The following PCDH15 variants were observed in gnomAD, a reference collection of about 807,000 sequenced individuals.
PCDH15 encodes protocadherin-15.
In PCDH15, 129 loss-of-function variants were observed where a neutral mutation model predicts 178.5. That is an observed-to-expected ratio of 0.72 (90% CI 0.63 to 0.84). PCDH15 has a LOEUF of 0.84. Among genes scored for constraint, PCDH15 ranks in the 40% least tolerant of loss-of-function variants. The pLI, the probability that PCDH15 is intolerant of heterozygous loss-of-function variation, is 0.00. For missense variants in PCDH15, 2,230 were observed against 2,099.9 expected, an observed-to-expected ratio of 1.06 and a Z score of -1.21; for synonymous variants, 800 against 732.0, an observed-to-expected ratio of 1.09 and a Z score of -1.50.
chr10:54,587,569 G>C (rs1015215310), intron 2 of PCDH15, among the ~76,000 whole-genome samples: 2 of 151,520 alleles, frequency 1.3e-5, no homozygotes, highest in African/African-American at 4.8e-5. Flanking sequence ...GGAACTTACA[G>C]AGATACTTAA....
intron 2 of PCDH15, among the ~76,000 whole-genome samples, chr10:54,584,615 A>C (rs547947625): frequency 1.8e-4 from 28 of 152,100 alleles, no homozygotes; most frequent in African/African-American, 6.7e-4. Flanking sequence ...TGCTTCAATA[A>C]TTTGTTTTTC....
At chr10:54,848,015 G>A (rs192393294) in intron 3 of PCDH15, among the ~76,000 whole-genome samples, 1 of 152,290 alleles carries the variant, frequency 6.6e-6, no homozygotes, top group African/African-American at 2.4e-5. Flanking sequence ...GCAGTGTTAA[G>A]TGAAGTATTT....
chr10:55,562,816 G>T (rs890332180), intron 2 of PCDH15, among the ~76,000 whole-genome samples: 1 of 151,862 alleles, frequency 6.6e-6, no homozygotes. Context: ...GAAAGAGTCT[G>T]GTTTACAGAA....
chr10:55,626,695 C>T (rs551401292), intron 2 of PCDH15, among the ~76,000 whole-genome samples: 2 of 152,226 alleles, frequency 1.3e-5, no homozygotes, highest in East Asian at 3.9e-4. Context: ...CATGTAATTC[C>T]TGTTATTAGC....
intron 2 of PCDH15, among the ~76,000 whole-genome samples, chr10:55,112,337 G>T (rs890281073): frequency 2.6e-5 from 4 of 152,204 alleles, no homozygotes; most frequent in African/African-American, 9.6e-5. Flanking sequence ...GTGAAGATTC[G>T]ATGAGAAGAT....
chr10:54,086,535 A>T (rs948111056), intron 16 of PCDH15, among the ~76,000 whole-genome samples: 1 of 152,186 alleles, frequency 6.6e-6, no homozygotes, highest in African/African-American at 2.4e-5. Flanking sequence ...GAATCTCAGA[A>T]GTTTCAAAGA....
At chr10:55,588,118 G>C (rs910688583) in intron 2 of PCDH15, among the ~76,000 whole-genome samples, 1 of 152,092 alleles carries the variant, frequency 6.6e-6, no homozygotes, top group Non-Finnish European at 1.5e-5. Context: ...TGATGTAGGA[G>C]GTGTTACATT....
At chr10:54,304,866 C>CTT (rs58915122) in intron 8 of PCDH15, among the ~76,000 whole-genome samples, 24 of 150,664 alleles carry the variant, frequency 1.6e-4, no homozygotes, top group African/African-American at 2.9e-4. Context: ...GTTTATTTCC[C>CTT]TTTTTTTTTG....
chr10:54,815,534 C>T (rs1024326243), intron 3 of PCDH15, among the ~76,000 whole-genome samples: 4 of 152,238 alleles, frequency 2.6e-5, no homozygotes, highest in Middle Eastern at 3.4e-3. Context: ...TGGATCATCT[C>T]TGCATCAGCA....
intron 2 of PCDH15, among the ~76,000 whole-genome samples, chr10:55,341,599 C>A (rs1844558586): frequency 7.0e-6 from 1 of 143,042 alleles, no homozygotes; most frequent in Non-Finnish European, 1.5e-5. Flanking sequence ...GAGACAGAGT[C>A]TCTCCCTGTC....
intron 21 of PCDH15, among the ~76,000 whole-genome samples, chr10:53,968,481 T>C (rs917677561): frequency 9.2e-5 from 14 of 152,114 alleles, no homozygotes; most frequent in African/African-American, 3.4e-4. Flanking sequence ...AATATCCCTG[T>C]CTGACAGCTT....
chr10:55,078,554 C>T (rs1428643219), intron 2 of PCDH15, among the ~76,000 whole-genome samples: 1 of 151,876 alleles, frequency 6.6e-6, no homozygotes, highest in African/African-American at 2.4e-5. Context: ...TTTCAGAATA[C>T]CTGTCTTCAA....
chr10:54,926,574 C>A (rs547654759), intron 2 of PCDH15, among the ~76,000 whole-genome samples: 58 of 151,898 alleles, frequency 3.8e-4, no homozygotes, highest in African/African-American at 1.4e-3. Context: ...TTGAATCTGG[C>A]TGGTGCTGGG....
intron 23 of PCDH15, among the ~76,000 whole-genome samples, chr10:53,944,234 A>G (rs1377155854): frequency 2.0e-5 from 3 of 152,186 alleles, no homozygotes; most frequent in African/African-American, 7.2e-5. Context: ...TGAACGATCA[A>G]TGGGAATTTA....
intron 1 of PCDH15, among the ~76,000 whole-genome samples, chr10:55,294,876 A>G (rs2132271952): frequency 6.6e-6 from 1 of 152,316 alleles, no homozygotes; most frequent in Non-Finnish European, 1.5e-5. Flanking sequence ...GGCAAGCAGA[A>G]CACATCAAAA....
At chr10:54,102,113 CTG>C (rs1277662802) in intron 15 of PCDH15, among the ~76,000 whole-genome samples, 1 of 152,160 alleles carries the variant, frequency 6.6e-6, no homozygotes, top group African/African-American at 2.4e-5. Flanking sequence ...ATTGTGAAAA[CTG>C]TTCTTAGTGA....
chr10:55,072,605 A>T (rs1289842501), intron 2 of PCDH15, among the ~76,000 whole-genome samples: 2 of 152,148 alleles, frequency 1.3e-5, no homozygotes, highest in African/African-American at 4.8e-5. Flanking sequence ...GGCAATAATC[A>T]ATAGCTTACC....
chr10:55,178,196 T>C (rs1044037719), intron 1 of PCDH15, among the ~76,000 whole-genome samples: 1 of 152,016 alleles, frequency 6.6e-6, no homozygotes, highest in Admixed American at 6.6e-5. Context: ...ATTGATACAT[T>C]GTGAAGGCCA....
intron 1 of PCDH15, among the ~76,000 whole-genome samples, chr10:54,718,787 G>A (rs1272052964): frequency 2.0e-5 from 3 of 150,372 alleles, no homozygotes; most frequent in Non-Finnish European, 3.0e-5. Flanking sequence ...CACCTCCTGG[G>A]TTCAAGCAAT....
Sources: gnomAD v4.1 joint callset for allele counts (sites outside exome capture counted in the v4.1 genomes callset) on GRCh38, gnomAD v4.1.1 for gene constraint, MANE v1.5 for transcripts, NCBI Gene and HGNC (gene_info 2026-07-23, HGNC 2026-07-21) for gene names.